TTBK2: variants seen among roughly 807,000 people sequenced by gnomAD.
The protein encoded by TTBK2 is tau-tubulin kinase 2.
Under a neutral mutation model 110.8 loss-of-function variants are expected in TTBK2, and 28 were observed. The ratio of observed to expected loss-of-function variants is 0.25; its 90% CI spans 0.19 to 0.35. The LOEUF (loss-of-function observed/expected upper bound fraction) is 0.35. Ranked by LOEUF, TTBK2 falls within the 10% of genes least tolerant of loss-of-function variation. TTBK2 has a pLI of 1.00. For synonymous variants in TTBK2, 532 were observed against 527.3 expected (o/e 1.01, Z -0.12); for missense variants, 1,369 against 1,500.3 (o/e 0.91, Z 1.45).
At chr15:42,826,174 G>A (rs191861599) in intron 6 of TTBK2, among the ~76,000 whole-genome samples, 61 of 152,096 alleles carry the variant, frequency 4.0e-4, no homozygotes, top group African/African-American at 1.4e-3. Flanking sequence ...GGGAACTTTT[G>A]ATTTTACATT....
At chr15:42,765,257 G>A (rs2140690580) in intron 13 of TTBK2, among the ~76,000 whole-genome samples, 1 of 152,350 alleles carries the variant, frequency 6.6e-6, no homozygotes, top group South Asian at 2.1e-4. Flanking sequence ...AAGCTGGACG[G>A]AGAATGAATT....
intron 10 of TTBK2, among the ~76,000 whole-genome samples, chr15:42,785,928 TC>T (rs1890394027): frequency 6.6e-6 from 1 of 152,130 alleles, no homozygotes; most frequent in South Asian, 2.1e-4. Flanking sequence ...CACAGTTAGA[TC>T]CTGGCACTGG....
intron 3 of TTBK2, among the ~76,000 whole-genome samples, chr15:42,867,906 T>C (rs1213504970): frequency 6.6e-6 from 1 of 152,040 alleles, no homozygotes; most frequent in African/African-American, 2.4e-5. Context: ...CCTCAGTAGG[T>C]GAATGGATAA....
chr15:42,753,288 A>C, intron 13 of TTBK2, 41 bp from the exon 14 acceptor site: 2 of 1,569,640 alleles, frequency 1.3e-6, no homozygotes, highest in Non-Finnish European at 8.7e-7. Flanking sequence ...AATTATGTAA[A>C]ATATCAACAA....
intron 10 of TTBK2, among the ~76,000 whole-genome samples, chr15:42,789,854 T>TACACAC (rs58536399): frequency 0.046 from 6,756 of 147,896 alleles, 481 homozygotes; most frequent in African/African-American, 0.15. Flanking sequence ...ATACATACAA[T>TACACAC]ACACACACAC....
chr15:42,906,172 G>C (rs1380518920), intron 1 of TTBK2, among the ~76,000 whole-genome samples: 2 of 151,546 alleles, frequency 1.3e-5, no homozygotes, highest in Non-Finnish European at 2.9e-5. Flanking sequence ...TAGGCAACAA[G>C]AGCGAAACTC....
At chr15:42,761,547 T>C (rs964916058) in intron 13 of TTBK2, among the ~76,000 whole-genome samples, 2 of 140,488 alleles carry the variant, frequency 1.4e-5, no homozygotes, top group African/African-American at 2.7e-5. Context: ...AGGATTAATA[T>C]CCAGAATATT....
chr15:42,869,602 A>C (rs890177834), intron 3 of TTBK2, among the ~76,000 whole-genome samples: 1 of 152,162 alleles, frequency 6.6e-6, no homozygotes, highest in Non-Finnish European at 1.5e-5. Flanking sequence ...CCACCTTTGC[A>C]GTTTCAAAGC....
chr15:42,840,805 AC>A (rs1893190502), intron 3 of TTBK2, among the ~76,000 whole-genome samples: 1 of 152,174 alleles, frequency 6.6e-6, no homozygotes, highest in Admixed American at 6.6e-5. Flanking sequence ...AGGAATATAA[AC>A]CCTGAATTTC....
chr15:42,825,388 C>T (rs1892486506), intron 6 of TTBK2, among the ~76,000 whole-genome samples: 1 of 152,136 alleles, frequency 6.6e-6, no homozygotes, highest in Admixed American at 6.5e-5. Flanking sequence ...ATGATAGCCA[C>T]TTAAAATTAA....
intron 7 of TTBK2, 138 bp downstream of exon 7, chr15:42,816,894 G>T: frequency 5.0e-6 from 2 of 396,636 alleles, no homozygotes; most frequent in Non-Finnish European, 7.4e-6. Flanking sequence ...ACTCCAGCCC[G>T]GGCGACAGTG....
At chr15:42,823,882 AAAG>A (rs1163393459) in intron 6 of TTBK2, among the ~76,000 whole-genome samples, 2 of 152,154 alleles carry the variant, frequency 1.3e-5, no homozygotes, top group Non-Finnish European at 2.9e-5. Context: ...GAAAATTTAT[AAAG>A]AAGAGGTCTG....
chr15:42,795,542 C>T (rs2140872533), intron 9 of TTBK2, among the ~76,000 whole-genome samples: 1 of 152,198 alleles, frequency 6.6e-6, no homozygotes, highest in South Asian at 2.1e-4. Context: ...ACTATCCTAT[C>T]CTCTGAGATT....
intron 9 of TTBK2, among the ~76,000 whole-genome samples, 155 bp downstream of exon 9, chr15:42,810,459 A>T (rs916807282): frequency 3.3e-5 from 5 of 152,214 alleles, no homozygotes; most frequent in African/African-American, 1.2e-4. Flanking sequence ...CACTCTCATC[A>T]TAAGTTAATT....
chr15:42,888,730 A>G (rs1472629374), intron 1 of TTBK2, among the ~76,000 whole-genome samples: 1 of 152,156 alleles, frequency 6.6e-6, no homozygotes, highest in Non-Finnish European at 1.5e-5. Context: ...TCTCTTTAAT[A>G]GAAACTCTTC....
chr15:42,897,484 A>G (rs901593111), intron 1 of TTBK2, among the ~76,000 whole-genome samples: 6 of 152,122 alleles, frequency 3.9e-5, no homozygotes, highest in Non-Finnish European at 5.9e-5. Context: ...TGAGTAAGTC[A>G]TGCTCCCTAG....
intron 13 of TTBK2, among the ~76,000 whole-genome samples, chr15:42,754,522 A>G (rs532005419): frequency 9.3e-5 from 14 of 151,188 alleles, no homozygotes; most frequent in South Asian, 4.2e-4. Flanking sequence ...TCAGCCTCCC[A>G]AGTATCTGGG....
chr15:42,817,309 T>C (rs1430497583), intron 6 of TTBK2, among the ~76,000 whole-genome samples: 2 of 152,292 alleles, frequency 1.3e-5, no homozygotes, highest in East Asian at 3.9e-4. Context: ...AAATTTTAAT[T>C]TTCAGTCCAG....
chr15:42,889,991 A>G (rs1237581918), intron 1 of TTBK2, among the ~76,000 whole-genome samples: 1 of 152,200 alleles, frequency 6.6e-6, no homozygotes, highest in Non-Finnish European at 1.5e-5. Flanking sequence ...CTATGCCACC[A>G]TATCTCCTGT....
Sources: gnomAD v4.1 joint callset for allele counts (sites outside exome capture counted in the v4.1 genomes callset) on GRCh38, gnomAD v4.1.1 for gene constraint, MANE v1.5 for transcripts, NCBI Gene and HGNC (gene_info 2026-07-23, HGNC 2026-07-21) for gene names.